The following COA1 variants were observed in gnomAD, a reference collection of about 807,000 sequenced individuals.
COA1 encodes cytochrome c oxidase assembly factor 1, also known as cytochrome c oxidase assembly factor 1 homolog.
A neutral mutation model predicts 16.0 loss-of-function variants in COA1; 13 were observed. That is an observed-to-expected ratio of 0.81 (90% CI 0.53 to 1.29). The LOEUF (loss-of-function observed/expected upper bound fraction) is 1.29, where lower values mean the gene tolerates loss of function less well. COA1 is among the 50% of genes most tolerant of loss of function. The pLI is 0.00. For synonymous variants in COA1, 65 were observed against 65.7 expected (o/e 0.99, Z 0.05); for missense variants, 179 against 177.0 (o/e 1.01, Z -0.06).
chr7:43,690,985 A>C (rs2094251166), intron 1 of COA1, among the ~76,000 whole-genome samples: 1 of 143,984 alleles, frequency 6.9e-6, no homozygotes, highest in Non-Finnish European at 1.5e-5. Context: ...TGGGAAGCTA[A>C]GGCAGGAGAC....
chr7:43,659,713 C>T (rs2092232729), intron 1 of COA1, among the ~76,000 whole-genome samples: 1 of 152,136 alleles, frequency 6.6e-6, no homozygotes, highest in Non-Finnish European at 1.5e-5. Flanking sequence ...CTCACAGACT[C>T]AGGTGTTTGC....
chr7:43,615,255 A>C (rs2083240669), intron 6 of COA1, among the ~76,000 whole-genome samples: 1 of 152,180 alleles, frequency 6.6e-6, no homozygotes, highest in African/African-American at 2.4e-5. Flanking sequence ...GGCTCACTGC[A>C]ACCTCTGCCT....
chr7:43,617,129 A>C (rs2083431076), intron 6 of COA1, among the ~76,000 whole-genome samples: 1 of 151,682 alleles, frequency 6.6e-6, no homozygotes, highest in Non-Finnish European at 1.5e-5. Flanking sequence ...CGTGGGACCC[A>C]GCTTCATGGA....
intron 6 of COA1, among the ~76,000 whole-genome samples, chr7:43,629,080 C>T (rs1029245149): frequency 1.3e-5 from 2 of 152,174 alleles, no homozygotes; most frequent in Non-Finnish European, 2.9e-5. Context: ...TTCTACTGAA[C>T]GTTCAGTGGT....
Position 43,650,925 on chromosome 7 carries a change from T to C in COA1, c.-38-2273A>G, listed in dbSNP as rs372535726. 1.3e-4 allele frequency among the ~76,000 whole-genome samples: 19 copies of C among 151,748 alleles called. No individual in the cohort carries two copies. The East Asian group carries it at 3.5e-3, about 28-fold the overall frequency. On this transcript the variant is annotated intron_variant, in intron 1 of 5. Transcript: ENST00000223336. ...CAAGTCTCCCCAGAGCCCTTCCACG[T>C]CAAAGCAGGGGTTGGGGTGTGAGTG...
chr7:43,640,960 G>A lies in COA1; in HGVS notation c.265-311C>T, dbSNP rs563685167. On this transcript the variant is annotated intron_variant, in intron 4 of 5. Transcript: ENST00000223336. ...AAAAAGGAGCAAACTCCTGATACAC[G>A]GAGCAACATCGATGAATATCAAAAA... 333 of 256,396 alleles carry A rather than the reference G, an allele frequency of 1.3e-3. 1 individual carries two copies. Among genetic ancestry groups the A allele is most frequent in the Non-Finnish European group, 1.8e-3 (253 of 137,008 alleles). The allele number at this position is 256,396 out of a possible 1,614,324, so 15.9% of individuals were successfully genotyped here.
intron 6 of COA1, among the ~76,000 whole-genome samples, chr7:43,612,667 T>C (rs1319173624): frequency 1.3e-5 from 2 of 152,222 alleles, no homozygotes. Flanking sequence ...ACTGTTATAG[T>C]TGCTTCTATT....
Position 43,624,709 on chromosome 7 carries a change from T to C in COA1, c.*133+14740A>G, listed in dbSNP as rs747030252. The C allele has an allele frequency of 1.1e-5, 18 of 1,614,002 alleles. No homozygotes were observed. The highest frequency in any genetic ancestry group is 1.6e-4 in the Middle Eastern group (1 of 6,082). On this transcript the variant is annotated intron_variant and NMD_transcript_variant, in intron 6 of 6. Transcript: ENST00000415076. ...GAATCCATTGTAACCGAAGAGTTAA[T>C]TGTAGTTACTTCATATACTCTAGGA...
At chr7:43,623,140 A>T (rs2084095503) in intron 6 of COA1, 1 of 154,678 alleles carries the variant, frequency 6.5e-6, no homozygotes, top group Non-Finnish European at 1.4e-5. Flanking sequence ...ACAGAAAAAT[A>T]GATCAGAGGG....
intron 1 of COA1, among the ~76,000 whole-genome samples, chr7:43,709,442 G>GTGTT (rs1585307167): frequency 6.8e-6 from 1 of 147,128 alleles, no homozygotes; most frequent in East Asian, 2.0e-4. Flanking sequence ...TATTGTGTGT[G>GTGTT]TGTGTGTGTG....
intron 1 of COA1, among the ~76,000 whole-genome samples, chr7:43,686,445 T>C (rs541493224): frequency 2.7e-3 from 413 of 151,746 alleles, no homozygotes; most frequent in Middle Eastern, 0.027. Flanking sequence ...TAGCTGGGAC[T>C]ACAGGCGCCC....
intron 1 of COA1, among the ~76,000 whole-genome samples, chr7:43,684,395 C>T (rs1584951832): frequency 6.6e-6 from 1 of 152,320 alleles, no homozygotes; most frequent in East Asian, 1.9e-4. Context: ...GTAGCCTGAG[C>T]TTTCTTCACA....
chr7:43,680,500 GAAGT>G (rs1238556820), intron 1 of COA1, among the ~76,000 whole-genome samples: 3 of 152,182 alleles, frequency 2.0e-5, no homozygotes, highest in East Asian at 1.9e-4. Context: ...AATCTGCAAT[GAAGT>G]AAGACTGACT....
intron 1 of COA1, chr7:43,658,698 A>C (rs951213219): frequency 6.6e-6 from 1 of 152,208 alleles, no homozygotes; most frequent in African/African-American, 2.4e-5. Context: ...AAACAAATAA[A>C]TATCATGACA....
intron 1 of COA1, 64 bp from the exon 2 acceptor site, chr7:43,648,716 T>C: frequency 4.2e-6 from 5 of 1,197,578 alleles, no homozygotes; most frequent in South Asian, 4.1e-5. Context: ...TCTAGTCTCA[T>C]ACAGCCAAGA....
chr7:43,721,998 C>A (rs779682051), intron 1 of COA1, among the ~76,000 whole-genome samples: 1 of 152,014 alleles, frequency 6.6e-6, no homozygotes, highest in Non-Finnish European at 1.5e-5. Flanking sequence ...CCATTGCACA[C>A]CAGAAGTCAA....
At chr7:43,616,721 C>A (rs564368681) in intron 6 of COA1, among the ~76,000 whole-genome samples, 1 of 152,224 alleles carries the variant, frequency 6.6e-6, no homozygotes, top group African/African-American at 2.4e-5. Flanking sequence ...CACGGTGAAA[C>A]CCCGTCTCTA....
At chr7:43,615,573 T>A (rs956298346) in intron 6 of COA1, among the ~76,000 whole-genome samples, 1 of 152,190 alleles carries the variant, frequency 6.6e-6, no homozygotes, top group African/African-American at 2.4e-5. Flanking sequence ...AGGTGTTTTT[T>A]TCGTGAAGAA....
chr7:43,658,115 G>A (rs556001782), intron 1 of COA1, among the ~76,000 whole-genome samples: 4 of 152,000 alleles, frequency 2.6e-5, no homozygotes, highest in South Asian at 4.2e-4. Flanking sequence ...TGTGGCTCAC[G>A]CTTGTAATCC....
Sources: allele counts gnomAD v4.1 joint callset (sites outside exome capture counted in the v4.1 genomes callset), GRCh38; gene constraint gnomAD v4.1.1; transcripts MANE v1.5; gene names NCBI Gene and HGNC (gene_info 2026-07-23, HGNC 2026-07-21).